MMP24: variants seen among roughly 807,000 people sequenced by gnomAD.
The protein encoded by MMP24 is matrix metalloproteinase-24.
Under a neutral mutation model 62.8 loss-of-function variants are expected in MMP24, and 25 were observed. The ratio of observed to expected loss-of-function variants is 0.40; its 90% CI spans 0.29 to 0.56. The LOEUF (loss-of-function observed/expected upper bound fraction) is 0.56. MMP24 is among the 20% of genes least tolerant of loss of function. The pLI, the probability that MMP24 is intolerant of heterozygous loss-of-function variation, is 0.50. For missense variants in MMP24, 634 were observed against 853.6 expected (o/e 0.74, Z 3.21); for synonymous variants, 319 against 350.5 (o/e 0.91, Z 1.00).
chr20:35,233,200 A>C (rs1600771033), intron 1 of MMP24, among the ~76,000 whole-genome samples: 1 of 152,188 alleles, frequency 6.6e-6, no homozygotes, highest in East Asian at 1.9e-4. Context: ...TGAGGCCAGG[A>C]GTTCGAGACC....
Position 35,252,020 on chromosome 20 carries a change from A to C in MMP24, c.511A>C (p.Ser171Arg), listed in dbSNP as rs1258266859. 4 of 1,609,348 alleles carry C rather than the reference A, an allele frequency of 2.5e-6. No individual in the cohort carries two copies. The highest frequency in any genetic ancestry group is 3.4e-6 in the Non-Finnish European group (4 of 1,175,588). The change falls in exon 3 of 9, where the codon AGC becomes CGC. Residue 171 changes from serine (S) to arginine (R), a missense_variant and splice_region_variant. Ser to Arg is a moderately radical substitution (Grantham distance 110). Coordinates refer to ENST00000246186, the MANE Select transcript of MMP24 (RefSeq NM_006690.4). ...QKWRQKHITY[S>R]IHNYTPKVGE... is the part of the protein sequence containing the mutation. ...GTGGAGGCAAAAACACATCACCTAC[A>C]GGTGCTTCGACTCTCCCTCTTCCTC...
chr20:35,243,259 A>G (rs540162881), intron 1 of MMP24, among the ~76,000 whole-genome samples: 1 of 152,154 alleles, frequency 6.6e-6, no homozygotes, highest in East Asian at 1.9e-4. Flanking sequence ...GTATACTTCA[A>G]GGCTTAGCTT....
intron 7 of MMP24, among the ~76,000 whole-genome samples, chr20:35,270,199 AGGTC>A (rs2060661241): frequency 6.6e-6 from 1 of 151,250 alleles, no homozygotes; most frequent in African/African-American, 2.4e-5. Flanking sequence ...CAGAGGGAAG[AGGTC>A]ACTCAAGCTG....
At chr20:35,251,140 CG>C (rs1480099558) in intron 2 of MMP24, among the ~76,000 whole-genome samples, 1 of 141,242 alleles carries the variant, frequency 7.1e-6, no homozygotes, top group Non-Finnish European at 1.5e-5. Flanking sequence ...TTTCCTGAAA[CG>C]GCATTTCACT....
intron 1 of MMP24, among the ~76,000 whole-genome samples, chr20:35,236,973 CA>C (rs10710875): frequency 0.31 from 23,406 of 76,484 alleles, 1,948 homozygotes; most frequent in Middle Eastern, 0.42. Context: ...GACACCATCT[CA>C]AAAAAAAAAA....
chr20:35,239,252 T>C (rs1175404016), intron 1 of MMP24, among the ~76,000 whole-genome samples: 1 of 151,956 alleles, frequency 6.6e-6, no homozygotes, highest in African/African-American at 2.4e-5. Context: ...TTGGCCAGGA[T>C]GGTCTCGATC....
Position 35,239,792 on chromosome 20 carries a change from C to A in MMP24, c.247-7048C>A, listed in dbSNP as rs1177885159. 2.0e-5 allele frequency among the ~76,000 whole-genome samples: 3 copies of A among 152,026 alleles called. 1 individual carries two copies. In the South Asian group the frequency reaches 6.2e-4, roughly 32 times the overall value. ...CAGTGAGCCATGGCTGAGAGCGAGACCCTGTCTCAAAAAAAAACCAACCAA... is the reference window on the plus strand; with the variant it reads ...CAGTGAGCCATGGCTGAGAGCGAGAACCTGTCTCAAAAAAAAACCAACCAA... On this transcript the variant is annotated intron_variant, in intron 1 of 8. Coordinates refer to ENST00000246186, the MANE Select transcript of MMP24 (RefSeq NM_006690.4).
At chr20:35,262,053 C>G (rs536560503) in intron 4 of MMP24, among the ~76,000 whole-genome samples, 11 of 152,148 alleles carry the variant, frequency 7.2e-5, no homozygotes, top group Non-Finnish European at 1.2e-4. Context: ...CCACCCCGAT[C>G]AGCCTCCCAA....
At chr20:35,273,273 G>A (rs6060339) in intron 8 of MMP24, among the ~76,000 whole-genome samples, 5 of 152,070 alleles carry the variant, frequency 3.3e-5, no homozygotes, top group African/African-American at 1.2e-4. Context: ...ACATGTGCCT[G>A]TAGTCCCAGC....
Position 35,274,486 on chromosome 20 carries a change from G to A in MMP24, c.1815G>A (p.Val605=), listed in dbSNP as rs1425025005. The A allele has an allele frequency of 6.2e-7, 1 of 1,613,990 alleles. No individual in the cohort carries two copies. Among genetic ancestry groups the A allele is most frequent in the South Asian group, 1.1e-5 (1 of 91,072 alleles). ...DVPGSVNAVA[V]VIPCILSLCI... ...CGGGCTCCGTGAACGCCGTGGCCGT[G>A]GTCATCCCCTGCATCCTGTCCCTCT... is the stretch of plus-strand genomic sequence containing the variant. Residue 605 remains valine (V), a synonymous_variant, in exon 9 of 9, where the codon GTG becomes GTA. Coordinates refer to ENST00000246186, the MANE Select transcript of MMP24 (RefSeq NM_006690.4). The surrounding 1 kb of genome is among the most constrained non-coding windows in gnomAD (Gnocchi z 5.1).
At chr20:35,251,866 C>T (rs1329637780) in intron 2 of MMP24, 39 bp from the exon 3 acceptor site, 2 of 1,508,904 alleles carry the variant, frequency 1.3e-6, no homozygotes, top group Admixed American at 1.7e-5. Context: ...TCAGTGACCA[C>T]AGTGCATATG....
rs942044563 is a variant in MMP24, at chr20:35,274,613, G to A, written c.*4G>A. Reference sequence around the variant, plus strand: ...GCCAGTCCAGGAATGGGTGTGAGCAGCCCAGAGCCCTCTCTATCCACTTGG... The same window carrying A: ...GCCAGTCCAGGAATGGGTGTGAGCAACCCAGAGCCCTCTCTATCCACTTGG... On this transcript the variant is annotated 3_prime_UTR_variant, in exon 9 of 9. Coordinates refer to ENST00000246186, the MANE Select transcript of MMP24 (RefSeq NM_006690.4). The surrounding 1 kb of genome is among the most constrained non-coding windows in gnomAD (Gnocchi z 5.1). The A allele has an allele frequency of 5.0e-6, 8 of 1,594,390 alleles. No individual in the cohort carries two copies. Among genetic ancestry groups the A allele is most frequent in the Middle Eastern group, 1.7e-4 (1 of 6,018 alleles).
chr20:35,258,229 A>G (rs2060584719), intron 4 of MMP24, among the ~76,000 whole-genome samples: 1 of 152,224 alleles, frequency 6.6e-6, no homozygotes, highest in Non-Finnish European at 1.5e-5. Context: ...TAAATACTTT[A>G]GTATATACCT....
At position 35,257,879 on chromosome 20, in the gene MMP24, C is replaced by T. The variant is rs567009421; in HGVS notation, c.817+3125C>T. 2.6e-5 allele frequency among the ~76,000 whole-genome samples: 4 copies of T among 152,190 alleles called. No individual in the cohort carries two copies. In the South Asian group the frequency reaches 6.2e-4, roughly 24 times the overall value. On this transcript the variant is annotated intron_variant, in intron 4 of 8. Coordinates refer to ENST00000246186, the MANE Select transcript of MMP24 (RefSeq NM_006690.4). ...AGATGCAGCTCAGGACCACAGCAAT[C>T]GACTCCTGAACTGGAATGCAGTGAA...
chr20:35,270,079 C>T (rs936827561), intron 7 of MMP24, among the ~76,000 whole-genome samples, 181 bp downstream of exon 7: 7 of 152,106 alleles, frequency 4.6e-5, no homozygotes, highest in Non-Finnish European at 1.0e-4. Context: ...CTGTATGTGC[C>T]GAGATTGGTG....
At chr20:35,235,639 A>C (rs555440952) in intron 1 of MMP24, among the ~76,000 whole-genome samples, 1 of 152,196 alleles carries the variant, frequency 6.6e-6, no homozygotes, top group East Asian at 1.9e-4. Flanking sequence ...CGGAGGTTGC[A>C]GTGAGCCAAA....
Position 35,276,071 on chromosome 20 carries a change from C to T in MMP24, c.*1462C>T, listed in dbSNP as rs1289894085. On this transcript the variant is annotated 3_prime_UTR_variant, in exon 9 of 9. Transcript: ENST00000246186. The stretch of plus-strand genomic sequence containing the variant: ...GTCAGGCAGTCTCCAGCGTGCTGGC[C>T]GGGTCTCGGATGCCACCCCTGCTCA... 5 of 398,652 alleles carry T rather than the reference C, an allele frequency of 1.3e-5. No individual in the cohort carries two copies. The highest frequency in any genetic ancestry group is 4.4e-5 in the Admixed American group (1 of 22,710). The allele number at this position is 398,652 out of a possible 1,614,324, so 24.7% of individuals were successfully genotyped here.
Position 35,271,742 on chromosome 20 carries a change from C to T in MMP24, c.1507C>T (p.Arg503Trp), listed in dbSNP as rs768826479. The T allele has an allele frequency of 3.8e-6, 6 of 1,596,400 alleles. No homozygotes were observed. Among genetic ancestry groups the T allele is most frequent in the Non-Finnish European group, 5.1e-6 (6 of 1,171,646 alleles). The change falls in exon 8 of 9, where the codon CGG (arginine) becomes TGG (tryptophan). Residue 503 changes from arginine to tryptophan, a missense_variant. By Grantham distance (101) the Arg-to-Trp change is moderately radical. This residue lies in a region of MMP24 where 399 missense variants were observed against 530.8 expected (regional missense o/e 0.75). Transcript: ENST00000246186. The surrounding 1 kb of genome is among the most constrained non-coding windows in gnomAD (Gnocchi z 4.0). ...GERYWRYSEE[R>W]RATDPGYPKP... is the part of the protein sequence containing the mutation. ...GCGGTACTGGCGCTACAGCGAGGAGCGGCGGGCCACGGACCCTGGCTACCC... is the reference window on the plus strand; with the variant it reads ...GCGGTACTGGCGCTACAGCGAGGAGTGGCGGGCCACGGACCCTGGCTACCC...
intron 5 of MMP24, among the ~76,000 whole-genome samples, chr20:35,266,175 TAA>T (rs35806814): frequency 7.0e-5 from 3 of 43,032 alleles, no homozygotes; most frequent in African/African-American, 3.0e-4. Context: ...CCATCTCTGC[TAA>T]AAAAAAAAAA....
Sources: allele counts gnomAD v4.1 joint callset (sites outside exome capture counted in the v4.1 genomes callset), GRCh38; gene constraint gnomAD v4.1.1; regional missense constraint gnomAD v4.1.1; non-coding constraint Gnocchi (gnomAD v3.1); transcripts MANE v1.5; gene names NCBI Gene and HGNC (gene_info 2026-07-23, HGNC 2026-07-21).